CDH13: variants seen among roughly 807,000 people sequenced by gnomAD.
CDH13 encodes the protein cadherin-13.
A neutral mutation model predicts 63.8 loss-of-function variants in CDH13; 24 were observed. That is an observed-to-expected ratio of 0.38 (90% CI 0.27 to 0.53). The LOEUF is 0.53. CDH13 is among the 20% of genes least tolerant of loss of function. The pLI, the probability that CDH13 is intolerant of heterozygous loss-of-function variation, is 0.85. For synonymous variants in CDH13, 503 were observed against 355.3 expected (o/e 1.42, Z -4.67); for missense variants, 1,049 against 903.1 (o/e 1.16, Z -2.07).
chr16:83,711,092 C>T (rs150847663), intron 10 of CDH13, among the ~76,000 whole-genome samples: 1 of 152,340 alleles, frequency 6.6e-6, no homozygotes, highest in East Asian at 1.9e-4. Context: ...GCAGGTGCCA[C>T]TGGACAGTAG....
chr16:83,604,941 C>G (rs1908188102), intron 8 of CDH13, among the ~76,000 whole-genome samples: 1 of 152,146 alleles, frequency 6.6e-6, no homozygotes, highest in African/African-American at 2.4e-5. Context: ...TTTTTAATGT[C>G]ATTGAATCCA....
At position 83,019,083 on chromosome 16, in the gene CDH13, A is replaced by G. The variant is rs577677676; in HGVS notation, c.158-12927A>G. 5.6e-4 allele frequency among the ~76,000 whole-genome samples: 86 copies of G among 152,334 alleles called. 1 individual carries two copies. The highest frequency in any genetic ancestry group is 1.9e-3 in the African/African-American group (80 of 41,570). Reference sequence around the variant, plus strand: ...TATAAGAAAAAGCTTTCTTTCTTCAATCATAAATTAACTTTAGCTTACTGT... The same window carrying G: ...TATAAGAAAAAGCTTTCTTTCTTCAGTCATAAATTAACTTTAGCTTACTGT... On this transcript the variant is annotated intron_variant, in intron 2 of 13. Coordinates refer to ENST00000567109, the MANE Select transcript of CDH13 (RefSeq NM_001257.5).
chr16:83,053,894 T>G (rs368703146), intron 3 of CDH13, among the ~76,000 whole-genome samples: 96 of 152,346 alleles, frequency 6.3e-4, no homozygotes, highest in African/African-American at 2.1e-3. Context: ...AGTCTGTGTA[T>G]GTATATAGTC....
intron 4 of CDH13, among the ~76,000 whole-genome samples, chr16:83,209,080 C>T (rs1351663198): frequency 1.3e-5 from 2 of 152,156 alleles, no homozygotes; most frequent in Non-Finnish European, 2.9e-5. Flanking sequence ...AAGAGGAGAC[C>T]TGGAGCCAGC....
In CDH13 at chr16:83,216,427, T is replaced by TATATATATATATA. The variant is rs1555513892; in HGVS notation, c.484-917_484-905dup. Among the ~76,000 whole-genome samples the TATATATATATATA allele has an allele frequency of 2.7e-4, 12 of 45,056 alleles. 2 individuals carry two copies. Among genetic ancestry groups the TATATATATATATA allele is most frequent in the Non-Finnish European group, 6.0e-4 (12 of 20,142 alleles). 29.6% of individuals were successfully genotyped at this position (45,056 alleles called of 152,430 possible). A position where few individuals can be genotyped will look rare whatever the true frequency, so the allele number is the denominator to read the frequency against. On this transcript the variant is annotated intron_variant, in intron 4 of 13. Coordinates refer to ENST00000567109, the MANE Select transcript of CDH13 (RefSeq NM_001257.5). ...ATATATATATATATATATATATATA[T>TATATATATATATA]ATATATATATATATATACACAACCC...
chr16:83,424,184 T>G (rs1484167767), intron 6 of CDH13, among the ~76,000 whole-genome samples: 1 of 150,094 alleles, frequency 6.7e-6, no homozygotes. Flanking sequence ...ATCTAACACG[T>G]ACTGAACAGT....
At chr16:82,748,813 C>T (rs1169518555) in intron 1 of CDH13, among the ~76,000 whole-genome samples, 1 of 152,076 alleles carries the variant, frequency 6.6e-6, no homozygotes, top group Non-Finnish European at 1.5e-5. Flanking sequence ...GTTTCTGTTT[C>T]CCAGCATCTT....
intron 1 of CDH13, among the ~76,000 whole-genome samples, chr16:82,802,589 C>T (rs1057227370): frequency 6.6e-6 from 1 of 152,134 alleles, no homozygotes; most frequent in African/African-American, 2.4e-5. Flanking sequence ...GCCCACAGCC[C>T]AGGGTTCATA....
At chr16:82,677,537 G>A (rs1447592592) in intron 1 of CDH13, among the ~76,000 whole-genome samples, 2 of 142,920 alleles carry the variant, frequency 1.4e-5, no homozygotes, top group East Asian at 2.2e-4. Flanking sequence ...AATAAATAAC[G>A]ACTAAATTAC....
chr16:82,776,092 C>A (rs528662763), intron 1 of CDH13, among the ~76,000 whole-genome samples: 1 of 152,126 alleles, frequency 6.6e-6, no homozygotes, highest in Non-Finnish European at 1.5e-5. Context: ...TGCCTATAAT[C>A]CCAGCTACTT....
At chr16:82,670,683 G>A (rs1255038209) in intron 1 of CDH13, among the ~76,000 whole-genome samples, 1 of 152,188 alleles carries the variant, frequency 6.6e-6, no homozygotes, top group African/African-American at 2.4e-5. Context: ...GTAATTTGGG[G>A]TAGTCGGGTA....
intron 1 of CDH13, among the ~76,000 whole-genome samples, chr16:82,855,971 C>T (rs916532968): frequency 1.3e-5 from 2 of 152,140 alleles, no homozygotes; most frequent in Non-Finnish European, 2.9e-5. Flanking sequence ...TGTCTGTGTG[C>T]AGTGGTTAGG....
intron 7 of CDH13, among the ~76,000 whole-genome samples, chr16:83,576,557 A>G (rs2150714494): frequency 6.6e-6 from 1 of 152,352 alleles, no homozygotes; most frequent in Middle Eastern, 3.4e-3. Flanking sequence ...TTTTTGAGGA[A>G]CCATCATACT....
intron 5 of CDH13, among the ~76,000 whole-genome samples, chr16:83,319,935 G>T (rs143187244): frequency 6.6e-5 from 10 of 152,346 alleles, no homozygotes; most frequent in Non-Finnish European, 1.5e-4. Flanking sequence ...CCCACAGACA[G>T]TAGACGTTAG....
At chr16:83,648,099 C>G (rs535538222) in intron 8 of CDH13, among the ~76,000 whole-genome samples, 51 of 152,172 alleles carry the variant, frequency 3.4e-4, no homozygotes, top group Non-Finnish European at 5.3e-4. Flanking sequence ...GAATTTGTTG[C>G]TTTGTAAAGG....
At chr16:83,420,573 A>G (rs2071685926) in intron 6 of CDH13, among the ~76,000 whole-genome samples, 1 of 152,202 alleles carries the variant, frequency 6.6e-6, no homozygotes, top group Non-Finnish European at 1.5e-5. Flanking sequence ...TTAAATTACC[A>G]GTGGTACCAT....
intron 5 of CDH13, among the ~76,000 whole-genome samples, chr16:83,231,062 TCAGAGCAAG>T (rs1418115588): frequency 6.6e-6 from 1 of 152,176 alleles, no homozygotes; most frequent in African/African-American, 2.4e-5. Context: ...GAGCAAATGC[TCAGAGCAAG>T]ACCTGGTGCT....
chr16:82,762,911 T>A (rs2034908252), intron 1 of CDH13, among the ~76,000 whole-genome samples: 1 of 152,232 alleles, frequency 6.6e-6, no homozygotes, highest in Admixed American at 6.5e-5. Flanking sequence ...GGATTAATGA[T>A]GTTTTTTAGG....
At chr16:83,102,415 G>C (rs1478526650) in intron 3 of CDH13, among the ~76,000 whole-genome samples, 1 of 152,204 alleles carries the variant, frequency 6.6e-6, no homozygotes, top group African/African-American at 2.4e-5. Context: ...TCTGAAGTGG[G>C]GGTGGGTCTG....
Sources: allele counts gnomAD v4.1 joint callset (sites outside exome capture counted in the v4.1 genomes callset), GRCh38; gene constraint gnomAD v4.1.1; transcripts MANE v1.5; gene names NCBI Gene and HGNC (gene_info 2026-07-23, HGNC 2026-07-21).